Variants in TRAPPC10 observed in about 807,000 individuals in gnomAD.
TRAPPC10 encodes TRAPP 130 kDa subunit.
TRAPPC10 carries 23 observed loss-of-function variants against 125.5 expected under a neutral mutation model. The ratio of observed to expected loss-of-function variants is 0.18; its 90% CI spans 0.13 to 0.26. TRAPPC10 has a LOEUF of 0.26. Ranked by LOEUF, TRAPPC10 falls within the 10% of genes least tolerant of loss-of-function variation. The pLI is 1.00. For missense variants in TRAPPC10, 1,123 were observed against 1,308.4 expected, an observed-to-expected ratio of 0.86 and a Z score of 2.19; for synonymous variants, 509 against 518.0, an observed-to-expected ratio of 0.98 and a Z score of 0.24.
At position 44,059,042 on chromosome 21, in the gene TRAPPC10, G is replaced by A; in HGVS notation, c.679-61G>A. On this transcript the variant is annotated intron_variant, in intron 5 of 22. Transcript: ENST00000291574. This position sits in a 1 kb window ranked among gnomAD's most constrained non-coding sequence, Gnocchi z 4.4. ...CTCTGTCGTTTAATGGCTACATACT[G>A]TTTCTTCTATACATTGATTTATGTT... 4 of 1,347,760 alleles carry A rather than the reference G, an allele frequency of 3.0e-6. No individual in the cohort carries two copies. The Admixed American group carries it at 9.0e-5, about 30-fold the overall frequency. 83.5% of individuals were successfully genotyped at this position (1,347,760 alleles called of 1,614,324 possible). A position where few individuals can be genotyped will look rare whatever the true frequency, so the allele number is the denominator to read the frequency against.
At position 44,077,760 on chromosome 21, in the gene TRAPPC10, GA is replaced by G; in HGVS notation, c.1449del (p.Asp484IlefsTer7). On this transcript the variant is annotated frameshift_variant, in exon 11 of 23. Transcript: ENST00000291574. LOFTEE classifies it high-confidence loss of function. Reference protein sequence around the residue: ...IGRIRSAKFVGKDLAEFYMRK... With the variant: ...IGRIRSAKFVXKDLAEFYMRK... ...AGGATTCGATCTGCTAAGTTTGTTG[GA>G]AAAGATCTGGCAGAGTTTTACATGT... 2 of 1,611,084 alleles carry G rather than the reference GA, an allele frequency of 1.2e-6. No homozygotes were observed. The highest frequency in any genetic ancestry group is 1.7e-5 in the Admixed American group (1 of 59,770).
In TRAPPC10 at chr21:44,080,960, G is replaced by A. The variant is rs768388924; in HGVS notation, c.1723+833G>A. Among the ~76,000 whole-genome samples the A allele has an allele frequency of 3.0e-5, 4 of 135,394 alleles. No individual in the cohort carries two copies. In the East Asian group the frequency reaches 8.5e-4, roughly 29 times the overall value. 88.8% of individuals were successfully genotyped at this position (135,394 alleles called of 152,430 possible). ...TTTATAATTCAATGGCTTTTAGTCT[G>A]TTTCAGGAATATGTGCAACCATTAC... On this transcript the variant is annotated intron_variant, in intron 13 of 22. Coordinates refer to ENST00000291574, the MANE Select transcript of TRAPPC10 (RefSeq NM_003274.5).
Position 44,055,681 on chromosome 21 carries a change from T to C in TRAPPC10, c.483-17T>C, listed in dbSNP as rs1384566845. The C allele has an allele frequency of 6.4e-7, 1 of 1,569,300 alleles. No individual in the cohort carries two copies. Among genetic ancestry groups the C allele is most frequent in the Non-Finnish European group, 8.7e-7 (1 of 1,147,212 alleles). Reference sequence around the variant, plus strand: ...CATGGAGGGTCTTTCCCAGATAGTCTGTTCATGTCTTTGCAGGTGTGTTGT... The same window carrying C: ...CATGGAGGGTCTTTCCCAGATAGTCCGTTCATGTCTTTGCAGGTGTGTTGT... On this transcript the variant is annotated splice_polypyrimidine_tract_variant and intron_variant, in intron 4 of 22. Coordinates refer to ENST00000291574, the MANE Select transcript of TRAPPC10 (RefSeq NM_003274.5).
chr21:44,095,229 T>TTTTATTTTA (rs2038847987), intron 20 of TRAPPC10, among the ~76,000 whole-genome samples: 2 of 149,916 alleles, frequency 1.3e-5, no homozygotes, highest in African/African-American at 2.5e-5. Context: ...TTTTATTTTA[T>TTTTATTTTA]TTTATTTATT....
intron 7 of TRAPPC10, among the ~76,000 whole-genome samples, chr21:44,065,117 A>AT (rs1352782411): frequency 2.0e-5 from 3 of 152,218 alleles, no homozygotes; most frequent in Non-Finnish European, 1.5e-5. Context: ...AAATTGAAGT[A>AT]TTCAAGTCCA....
At chr21:44,077,175 G>T (rs9975708) in intron 10 of TRAPPC10, among the ~76,000 whole-genome samples, 47,354 of 152,082 alleles carry the variant, frequency 0.31, 10,326 homozygotes, top group African/African-American at 0.62. Flanking sequence ...GGATGAGTTT[G>T]TGGGTTTCTT....
At position 44,073,637 on chromosome 21, in the gene TRAPPC10, G is replaced by A. The variant is rs889701162; in HGVS notation, c.1039-687G>A. Among the ~76,000 whole-genome samples, 3 of 152,182 alleles carry A rather than the reference G, an allele frequency of 2.0e-5. No individual in the cohort carries two copies. In the East Asian group the frequency reaches 5.8e-4, roughly 29 times the overall value. On this transcript the variant is annotated intron_variant, in intron 7 of 22. Transcript: ENST00000291574. ...TTACAGTAGGCGCGGTACCTGGCCA[G>A]CCTCTACTTCATCTGCATCCTCGTT...
rs761166083 is a variant in TRAPPC10, at chr21:44,075,031, C to T, written c.1186-8C>T. The T allele has an allele frequency of 7.6e-5, 120 of 1,579,780 alleles. No homozygotes were observed. The highest frequency in any genetic ancestry group is 9.3e-5 in the Non-Finnish European group (107 of 1,151,374). Reference sequence around the variant, plus strand: ...AAATTAATTGAAATTGTGGATTTATCTTAACAGTTAAAGTCCTTGGGCTAT... The same window carrying T: ...AAATTAATTGAAATTGTGGATTTATTTTAACAGTTAAAGTCCTTGGGCTAT... On this transcript the variant is annotated splice_region_variant and splice_polypyrimidine_tract_variant and intron_variant, in intron 8 of 22. Coordinates refer to ENST00000291574, the MANE Select transcript of TRAPPC10 (RefSeq NM_003274.5).
chr21:44,080,144 C>A lies in TRAPPC10; in HGVS notation c.1723+17C>A, dbSNP rs1229678023. ...ACAGCCCAGGTAAGACCAGTTCTTACAACTTGACTAGGAATATTTTCAAAT... is the reference window on the plus strand; with the variant it reads ...ACAGCCCAGGTAAGACCAGTTCTTAAAACTTGACTAGGAATATTTTCAAAT... On this transcript the variant is annotated intron_variant, in intron 13 of 22. Transcript: ENST00000291574. The A allele has an allele frequency of 1.3e-6, 2 of 1,584,612 alleles. No individual in the cohort carries two copies. The highest frequency in any genetic ancestry group is 8.6e-7 in the Non-Finnish European group (1 of 1,159,132).
intron 7 of TRAPPC10, among the ~76,000 whole-genome samples, chr21:44,067,394 G>A (rs2036529429): frequency 6.6e-6 from 1 of 152,164 alleles, no homozygotes; most frequent in Non-Finnish European, 1.5e-5. Context: ...ACACCCTGCT[G>A]GGTGGGTGCT....
intron 3 of TRAPPC10, among the ~76,000 whole-genome samples, chr21:44,047,635 C>T (rs1360998828): frequency 4.0e-5 from 6 of 149,656 alleles, no homozygotes; most frequent in African/African-American, 1.5e-4. Flanking sequence ...GTCCTTTTTC[C>T]CTTTTTCTTG....
intron 2 of TRAPPC10, among the ~76,000 whole-genome samples, chr21:44,036,445 G>C (rs2033989999): frequency 6.6e-6 from 1 of 152,216 alleles, no homozygotes; most frequent in African/African-American, 2.4e-5. Context: ...CTGGCCGTGT[G>C]GGGGCCAGGA....
chr21:44,062,349 C>T (rs2036122450), intron 6 of TRAPPC10, among the ~76,000 whole-genome samples: 1 of 152,138 alleles, frequency 6.6e-6, no homozygotes, highest in African/African-American at 2.4e-5. Flanking sequence ...GAAGGGGAAA[C>T]AGGCACAGAA....
At chr21:44,035,950 A>G (rs1011601532) in intron 2 of TRAPPC10, among the ~76,000 whole-genome samples, 1 of 152,108 alleles carries the variant, frequency 6.6e-6, no homozygotes, top group African/African-American at 2.4e-5. Context: ...GAGCTTAGAG[A>G]CTCGGGAGAT....
At chr21:44,028,941 C>G (rs1410484936) in intron 1 of TRAPPC10, among the ~76,000 whole-genome samples, 1 of 152,210 alleles carries the variant, frequency 6.6e-6, no homozygotes, top group Non-Finnish European at 1.5e-5. Context: ...CCTCGCAGTT[C>G]AGCCCGCAGA....
At chr21:44,081,748 G>A (rs1032382598) in intron 13 of TRAPPC10, among the ~76,000 whole-genome samples, 5 of 152,042 alleles carry the variant, frequency 3.3e-5, no homozygotes, top group Non-Finnish European at 7.4e-5. Context: ...GTGTGGTGGC[G>A]GGCACCTGTA....
At chr21:44,022,812 G>C (rs2032668605) in intron 1 of TRAPPC10, among the ~76,000 whole-genome samples, 1 of 151,196 alleles carries the variant, frequency 6.6e-6, no homozygotes, top group Non-Finnish European at 1.5e-5. Context: ...TCTTGAAAAG[G>C]TCCCACTGCC....
intron 1 of TRAPPC10, among the ~76,000 whole-genome samples, chr21:44,018,648 G>T (rs2032145352): frequency 6.7e-6 from 1 of 150,016 alleles, no homozygotes; most frequent in Non-Finnish European, 1.5e-5. Context: ...GCAGTGAGCC[G>T]AGATCATGCC....
Position 44,059,324 on chromosome 21 carries a change from G to A in TRAPPC10, c.790+110G>A, listed in dbSNP as rs1234705803. The A allele has an allele frequency of 2.7e-6, 2 of 748,472 alleles. No individual in the cohort carries two copies. Among genetic ancestry groups the A allele is most frequent in the African/African-American group, 3.5e-5 (2 of 56,590 alleles). 46.4% of individuals were successfully genotyped at this position (748,472 alleles called of 1,614,324 possible). ...ACCTCAGGAGTACGCATGTTTTGTT[G>A]TTGTCTTTATACACATTATATCGGA... On this transcript the variant is annotated intron_variant, in intron 6 of 22. Coordinates refer to ENST00000291574, the MANE Select transcript of TRAPPC10 (RefSeq NM_003274.5). This position sits in a 1 kb window ranked among gnomAD's most constrained non-coding sequence, Gnocchi z 4.4.
Sources: gnomAD v4.1 joint callset for allele counts (sites outside exome capture counted in the v4.1 genomes callset) on GRCh38, gnomAD v4.1.1 for gene constraint, Gnocchi (gnomAD v3.1) non-coding constraint, MANE v1.5 for transcripts, NCBI Gene and HGNC (gene_info 2026-07-23, HGNC 2026-07-21) for gene names.